Variants in CAST observed in about 807,000 individuals in gnomAD.
CAST encodes the protein MIR583 host.
Under a neutral mutation model 119.6 loss-of-function variants are expected in CAST, and 76 were observed. The ratio of observed to expected loss-of-function variants is 0.64; its 90% CI spans 0.53 to 0.77. The LOEUF is 0.77. Ranked by LOEUF, CAST falls within the 30% of genes least tolerant of loss-of-function variation. The probability of loss-of-function intolerance (pLI) is 0.00; values close to 1 mark genes in which losing one functional copy is unlikely to be tolerated. For missense variants in CAST, 953 were observed against 946.5 expected, an observed-to-expected ratio of 1.01 and a Z score of -0.09; for synonymous variants, 319 against 331.6, an observed-to-expected ratio of 0.96 and a Z score of 0.41.
chr5:96,390,349 G>C, the CAST span: 27 of 152,248 alleles, frequency 1.8e-4, no homozygotes, highest in African/African-American at 5.5e-4. Context: ...GTGGAAACAT[G>C]AGCTTTTTTT....
chr5:96,200,381 A>AG, the CAST span, among the ~76,000 whole-genome samples: 1 of 152,142 alleles, frequency 6.6e-6, no homozygotes, highest in African/African-American at 2.4e-5. Flanking sequence ...AAACCGAAAA[A>AG]GGGCTAGTCA....
chr5:96,760,390 C>T (rs1213823226), intron 24 of CAST, among the ~76,000 whole-genome samples: 4 of 151,686 alleles, frequency 2.6e-5, no homozygotes, highest in Non-Finnish European at 5.9e-5. Flanking sequence ...TAAATAAAAA[C>T]TTTTTAAAAA....
chr5:96,762,484 C>A, intron 25 of CAST, 112 bp downstream of exon 25: 1 of 645,326 alleles, frequency 1.5e-6, no homozygotes, highest in Non-Finnish European at 2.6e-6. Flanking sequence ...TTAGGAAGAT[C>A]AGGCACCTTC....
At chr5:96,104,569 G>A in the CAST span, among the ~76,000 whole-genome samples, 6 of 151,924 alleles carry the variant, frequency 3.9e-5, no homozygotes, top group East Asian at 9.6e-4. Flanking sequence ...ATTTCTGAGG[G>A]CTCTGTTCTG....
the CAST span, chr5:95,961,714 G>A: frequency 6.2e-7 from 1 of 1,601,976 alleles, no homozygotes. Context: ...TGTCCCCCCC[G>A]CCGCCATCTT....
intron 1 of CAST, among the ~76,000 whole-genome samples, chr5:96,551,864 C>T (rs12055177): frequency 0.17 from 25,991 of 151,986 alleles, 2,505 homozygotes; most frequent in East Asian, 0.28. Flanking sequence ...ACAAGAAGAG[C>T]AAACTATCCT....
chr5:96,043,854 C>A, the CAST span, among the ~76,000 whole-genome samples: 2 of 152,094 alleles, frequency 1.3e-5, no homozygotes, highest in Non-Finnish European at 2.9e-5. Flanking sequence ...GGCTGAAATG[C>A]AGGTAATTCT....
the CAST span, among the ~76,000 whole-genome samples, chr5:96,174,478 G>A: frequency 6.6e-6 from 1 of 152,210 alleles, no homozygotes; most frequent in African/African-American, 2.4e-5. Flanking sequence ...ATGTGGGGAA[G>A]GAAAGTCCAG....
the CAST span, among the ~76,000 whole-genome samples, chr5:96,021,036 A>G: frequency 6.6e-6 from 1 of 152,290 alleles, no homozygotes; most frequent in East Asian, 1.9e-4. Flanking sequence ...TGTCATTGAA[A>G]TTTTAATTGA....
At chr5:96,587,162 T>A (rs1419875019) in intron 1 of CAST, among the ~76,000 whole-genome samples, 1 of 151,894 alleles carries the variant, frequency 6.6e-6, no homozygotes, top group Admixed American at 6.5e-5. Context: ...CATTTTCAAT[T>A]CACCACATCA....
At chr5:96,361,475 G>A in the CAST span, among the ~76,000 whole-genome samples, 21 of 152,330 alleles carry the variant, frequency 1.4e-4, no homozygotes, top group African/African-American at 3.8e-4. Context: ...GTACCCAAGG[G>A]AATCTCCTGG....
the CAST span, among the ~76,000 whole-genome samples, chr5:95,983,167 T>C: frequency 0.077 from 11,725 of 152,232 alleles, 1,001 homozygotes; most frequent in African/African-American, 0.21. Context: ...ATAAAATTAA[T>C]AAGAACAACA....
In CAST at chr5:96,549,742, T is replaced by C. The variant is rs554553609; in HGVS notation, c.60+19862T>C. The stretch of plus-strand genomic sequence containing the variant: ...CAATTGGCAGACCAGGATATCCCCT[T>C]CTGTGCCTGTCTTGGCAGGTCCCAT... On this transcript the variant is annotated intron_variant, in intron 1 of 11. Transcript: ENST00000505143. 4.7e-4 allele frequency among the ~76,000 whole-genome samples: 72 copies of C among 152,372 alleles called. No individual in the cohort carries two copies. The South Asian group carries it at 0.015, about 32-fold the overall frequency.
chr5:96,647,448 G>A (rs907464777), intron 1 of CAST, among the ~76,000 whole-genome samples: 1 of 152,036 alleles, frequency 6.6e-6, no homozygotes, highest in African/African-American at 2.4e-5. Flanking sequence ...ACCTTGTGCT[G>A]TTCTAGCCAG....
chr5:96,754,234 A>G (rs1765792095), intron 21 of CAST, 73 bp downstream of exon 21: 4 of 943,318 alleles, frequency 4.2e-6, no homozygotes, highest in East Asian at 2.5e-5. Context: ...TAAGTTAGTC[A>G]TTTGTTTTGT....
intron 1 of CAST, among the ~76,000 whole-genome samples, chr5:96,590,656 G>T (rs1451612932): frequency 6.6e-6 from 1 of 152,196 alleles, no homozygotes; most frequent in African/African-American, 2.4e-5. Flanking sequence ...GTAAATAGAA[G>T]TAGGAAGTCA....
the CAST span, among the ~76,000 whole-genome samples, chr5:96,491,520 A>AAAAAAT: frequency 7.0e-6 from 1 of 143,774 alleles, no homozygotes; most frequent in Non-Finnish European, 1.5e-5. Context: ...AAAAAAAAAA[A>AAAAAAT]AAAAATTAAA....
At chr5:96,073,759 C>T in the CAST span, among the ~76,000 whole-genome samples, 5 of 152,294 alleles carry the variant, frequency 3.3e-5, no homozygotes, top group East Asian at 1.9e-4. Context: ...AATGCTCATT[C>T]ACCTGCTGCC....
chr5:96,325,370 TTTTC>T, the CAST span, among the ~76,000 whole-genome samples: 2 of 33,462 alleles, frequency 6.0e-5, no homozygotes, highest in Non-Finnish European at 1.5e-4. Context: ...TCTTTCTTTC[TTTTC>T]TTTCTTCTTT....
Sources: gnomAD v4.1 joint callset for allele counts (sites outside exome capture counted in the v4.1 genomes callset) on GRCh38, gnomAD v4.1.1 for gene constraint, MANE v1.5 for transcripts, NCBI Gene and HGNC (gene_info 2026-07-23, HGNC 2026-07-21) for gene names.